Variants in MAML3 observed in about 807,000 individuals in gnomAD.
MAML3 encodes mastermind like transcriptional coactivator 3.
A neutral mutation model predicts 101.9 loss-of-function variants in MAML3; 27 were observed. The observed-to-expected ratio is 0.27, with a 90% CI of 0.20 to 0.37. MAML3 has a LOEUF of 0.37. MAML3 is among the 10% of genes least tolerant of loss of function. The pLI is 1.00. For missense variants in MAML3, 1,316 were observed against 1,444.9 expected (o/e 0.91, Z 1.45); for synonymous variants, 501 against 555.9 (o/e 0.90, Z 1.39).
intron 1 of MAML3, among the ~76,000 whole-genome samples, chr4:140,015,259 G>T (rs187369495): frequency 6.6e-6 from 1 of 152,038 alleles, no homozygotes; most frequent in South Asian, 2.1e-4. Context: ...AGTCAAGTAC[G>T]CAAAGAAAAA....
intron 2 of MAML3, among the ~76,000 whole-genome samples, chr4:139,876,553 C>T (rs564489917): frequency 2.6e-5 from 4 of 152,350 alleles, no homozygotes; most frequent in Admixed American, 6.5e-5. Flanking sequence ...CCCTTCTATT[C>T]GCAGGCTTTG....
intron 2 of MAML3, among the ~76,000 whole-genome samples, chr4:139,793,318 C>G (rs1202090315): frequency 6.6e-6 from 1 of 152,156 alleles, no homozygotes; most frequent in Admixed American, 6.5e-5. Context: ...TTTATTAATG[C>G]TAGTATGCAC....
chr4:140,093,499 C>T (rs1433444674), intron 1 of MAML3, among the ~76,000 whole-genome samples: 1 of 149,518 alleles, frequency 6.7e-6, no homozygotes, highest in African/African-American at 2.5e-5. Context: ...TCACTGCAAT[C>T]TCTGCCTTCC....
intron 2 of MAML3, among the ~76,000 whole-genome samples, chr4:139,762,972 C>T (rs1054510229): frequency 5.3e-5 from 8 of 152,128 alleles, no homozygotes; most frequent in African/African-American, 1.9e-4. Flanking sequence ...CCTCTGGCTT[C>T]TCTTGGCACA....
chr4:139,849,984 T>G (rs966610746), intron 2 of MAML3, among the ~76,000 whole-genome samples: 1 of 152,184 alleles, frequency 6.6e-6, no homozygotes, highest in African/African-American at 2.4e-5. Flanking sequence ...ATAAAAAATG[T>G]GTTTCATGTC....
intron 2 of MAML3, among the ~76,000 whole-genome samples, chr4:139,744,547 G>A (rs958223195): frequency 4.6e-5 from 7 of 152,194 alleles, no homozygotes; most frequent in Non-Finnish European, 8.8e-5. Flanking sequence ...AACACAATGT[G>A]TGGCGTGTAT....
intron 1 of MAML3, among the ~76,000 whole-genome samples, chr4:139,917,592 A>G (rs1363633597): frequency 1.3e-5 from 2 of 152,234 alleles, no homozygotes; most frequent in Non-Finnish European, 2.9e-5. Context: ...TGATCTATGT[A>G]GCTCCAGAAC....
At chr4:140,152,674 A>C (rs1729195734) in intron 1 of MAML3, among the ~76,000 whole-genome samples, 186 bp downstream of exon 1, 1 of 151,780 alleles carries the variant, frequency 6.6e-6, no homozygotes, top group Non-Finnish European at 1.5e-5. Flanking sequence ...ACCCTGACAG[A>C]TTAACAGGTA....
rs1578606756 is a variant in MAML3 at position 139,936,828 on chromosome 4, C to T, written c.469-45861G>A. ...ACTTAAATAGCGTTTAAAAAGTGAC[C>T]CCCCTGAAAGAAAGTCCTATTTAAA... On this transcript the variant is annotated intron_variant, in intron 1 of 4. Coordinates refer to ENST00000509479, the MANE Select transcript of MAML3 (RefSeq NM_018717.5). Among the ~76,000 whole-genome samples the T allele has an allele frequency of 5.3e-5, 8 of 152,222 alleles. 1 individual carries two copies. The South Asian group carries it at 1.7e-3, about 32-fold the overall frequency.
intron 2 of MAML3, among the ~76,000 whole-genome samples, chr4:139,760,874 A>G (rs1466723944): frequency 6.6e-6 from 1 of 152,130 alleles, no homozygotes; most frequent in Non-Finnish European, 1.5e-5. Context: ...GGTCGTGACA[A>G]CTCTCTTGAA....
intron 2 of MAML3, 188 bp from the exon 3 acceptor site, chr4:139,730,855 G>GAGGC (rs1233066684): frequency 3.3e-6 from 2 of 606,430 alleles, no homozygotes; most frequent in Non-Finnish European, 5.8e-6. Context: ...TAGAATGAGA[G>GAGGC]AGGCCACAAG....
chr4:139,873,000 T>C (rs1053972816), intron 2 of MAML3, among the ~76,000 whole-genome samples: 2 of 152,088 alleles, frequency 1.3e-5, no homozygotes, highest in South Asian at 4.2e-4. Flanking sequence ...AAGAATTGCT[T>C]GAACCCAGAA....
At chr4:140,152,716 T>C (rs1729196291) in intron 1 of MAML3, 144 bp downstream of exon 1, 2 of 1,389,392 alleles carry the variant, frequency 1.4e-6, no homozygotes, top group Non-Finnish European at 1.9e-6. Flanking sequence ...CTAAGAAAAG[T>C]TGACGTTAAC....
chr4:140,142,833 G>A (rs944668541), intron 1 of MAML3, among the ~76,000 whole-genome samples: 5 of 152,028 alleles, frequency 3.3e-5, no homozygotes, highest in Non-Finnish European at 5.9e-5. Context: ...TCTCCTCTTT[G>A]TCTAGTTTCC....
At position 139,890,454 on chromosome 4, in the gene MAML3, G is replaced by A; in HGVS notation, c.982C>T (p.Leu328=). 6.2e-7 allele frequency: 1 copy of A among 1,613,564 alleles called. No individual in the cohort carries two copies. Among genetic ancestry groups the A allele is most frequent in the Non-Finnish European group, 8.5e-7 (1 of 1,179,516 alleles). ...NTVPEDDIQD[L]FNEDFEEKKE... The stretch of plus-strand genomic sequence containing the variant: ...TTCTCTTCAAAGTCTTCGTTGAACA[G>A]GTCCTGTATGTCATCCTCAGGAACC... Residue 328 remains leucine, a synonymous_variant, in exon 2 of 5, where the codon CTG becomes TTG. Coordinates refer to ENST00000509479, the MANE Select transcript of MAML3 (RefSeq NM_018717.5). This position sits in a 1 kb window ranked among gnomAD's most constrained non-coding sequence, Gnocchi z 4.1.
chr4:139,825,240 C>T (rs958343546), intron 2 of MAML3, among the ~76,000 whole-genome samples: 4 of 151,852 alleles, frequency 2.6e-5, no homozygotes, highest in African/African-American at 7.3e-5. Flanking sequence ...GAAAGGGAAA[C>T]GGTATTGGGG....
intron 1 of MAML3, among the ~76,000 whole-genome samples, chr4:139,984,741 T>G (rs1011843011): frequency 6.6e-6 from 1 of 152,200 alleles, no homozygotes; most frequent in Non-Finnish European, 1.5e-5. Flanking sequence ...TGAGACAGAC[T>G]TTCTTTAGTT....
Position 140,013,167 on chromosome 4 carries a change from C to T in MAML3, c.469-122200G>A, listed in dbSNP as rs1726590340. 2.0e-5 allele frequency among the ~76,000 whole-genome samples: 3 copies of T among 152,152 alleles called. No homozygotes were observed. The South Asian group carries it at 6.2e-4, about 32-fold the overall frequency. ...ATAGAAAACCATTCTTTCCTTTACT[C>T]TTCCACTAGAAAATGTCAAATATTT... is the stretch of plus-strand genomic sequence containing the variant. On this transcript the variant is annotated intron_variant, in intron 1 of 4. Coordinates refer to ENST00000509479, the MANE Select transcript of MAML3 (RefSeq NM_018717.5).
At chr4:139,830,074 G>A (rs115532702) in intron 2 of MAML3, among the ~76,000 whole-genome samples, 1,612 of 152,246 alleles carry the variant, frequency 0.011, 31 homozygotes, top group African/African-American at 0.036. Flanking sequence ...ATGTCACAAC[G>A]TAGGAACAAA....
Sources: gnomAD v4.1 joint callset for allele counts (sites outside exome capture counted in the v4.1 genomes callset) on GRCh38, gnomAD v4.1.1 for gene constraint, Gnocchi (gnomAD v3.1) non-coding constraint, MANE v1.5 for transcripts, NCBI Gene and HGNC (gene_info 2026-07-23, HGNC 2026-07-21) for gene names.